Variants in AGFG2 observed in about 807,000 individuals in gnomAD.
AGFG2 encodes the protein ArfGAP with FG repeats 2.
Under a neutral mutation model 48.0 loss-of-function variants are expected in AGFG2, and 31 were observed. That is an observed-to-expected ratio of 0.65 (90% CI 0.49 to 0.87). The LOEUF (loss-of-function observed/expected upper bound fraction) is 0.87, where lower values mean the gene tolerates loss of function less well. Among genes scored for constraint, AGFG2 ranks in the 40% least tolerant of loss-of-function variants. The probability of loss-of-function intolerance (pLI) is 0.00; values close to 1 mark genes in which losing one functional copy is unlikely to be tolerated. For synonymous variants in AGFG2, 229 were observed against 260.8 expected (o/e 0.88, Z 1.18); for missense variants, 599 against 632.6 (o/e 0.95, Z 0.57).
At position 100,539,268 on chromosome 7, in the gene AGFG2, G is replaced by A. The variant is rs1228328192; in HGVS notation, c.-79G>A. On this transcript the variant is annotated 5_prime_UTR_variant, in exon 1 of 12. Transcript: ENST00000300176. ...AGCTTCTGTCAGGGGAGCCGGGCGT[G>A]CGGAGGCGGCTGAGGAGGCGGGAAG... 1.9e-5 allele frequency: 24 copies of A among 1,253,008 alleles called. No individual in the cohort carries two copies. Among genetic ancestry groups the A allele is most frequent in the Non-Finnish European group, 2.3e-5 (23 of 991,294 alleles). 77.6% of individuals were successfully genotyped at this position (1,253,008 alleles called of 1,614,324 possible).
chr7:100,546,756 CTAAAAGCAGGCTGGCTAGAAT>C (rs1800518572), intron 1 of AGFG2, among the ~76,000 whole-genome samples: 1 of 152,144 alleles, frequency 6.6e-6, no homozygotes, highest in Non-Finnish European at 1.5e-5. Flanking sequence ...GTGAGAAAGT[CTAAAAGCAGGCTGGCTAGAAT>C]TAAAAGCAAA....
At chr7:100,549,304 G>T (rs1800576829) in intron 2 of AGFG2, among the ~76,000 whole-genome samples, 1 of 152,160 alleles carries the variant, frequency 6.6e-6, no homozygotes, top group Admixed American at 6.5e-5. Flanking sequence ...ATCTTGTACT[G>T]GAAAGTGACT....
chr7:100,539,383 G>A lies in AGFG2; in HGVS notation c.37G>A (p.Gly13Ser). Residue 13 changes from glycine (G) to serine (S), a missense_variant, in exon 1 of 12, where the codon GGC becomes AGC. Transcript: ENST00000300176. The stretch of plus-strand genomic sequence containing the variant: ...GGCGAAGAAGGGCCCGGGCCCGGGC[G>A]GCGGGGTCAGCGGGGGCAAGGCGGA... ...MAAKKGPGPGGGVSGGKAEAE... is the reference protein window; with the variant it reads ...MAAKKGPGPGSGVSGGKAEAE... The A allele has an allele frequency of 6.2e-6, 8 of 1,290,310 alleles. No homozygotes were observed. Among genetic ancestry groups the A allele is most frequent in the Non-Finnish European group, 7.9e-6 (8 of 1,015,330 alleles). The allele number at this position is 1,290,310 out of a possible 1,614,324, so 79.9% of individuals were successfully genotyped here. A position where few individuals can be genotyped will look rare whatever the true frequency, so the allele number is the denominator to read the frequency against.
chr7:100,539,480 G>A lies in AGFG2; in HGVS notation c.134G>A (p.Arg45His), dbSNP rs866159410. Residue 45 changes from arginine (R) to histidine (H), a missense_variant, in exon 1 of 12, where the codon CGC (arginine) becomes CAC (histidine). Transcript: ENST00000300176. Reference protein sequence around the residue: ...ELGGCSQAGNRHCFECAQRGV... With the variant: ...ELGGCSQAGNHHCFECAQRGV... ...GGTGGCTGCAGCCAGGCCGGGAACC[G>A]CCACTGCTTCGAGTGCGCCCAGCGC... 3.0e-6 allele frequency: 4 copies of A among 1,317,214 alleles called. No homozygotes were observed. The highest frequency in any genetic ancestry group is 2.9e-6 in the Non-Finnish European group (3 of 1,027,752). 81.6% of individuals were successfully genotyped at this position (1,317,214 alleles called of 1,614,324 possible).
chr7:100,560,720 C>T (rs1338842680), intron 6 of AGFG2, among the ~76,000 whole-genome samples: 1 of 151,650 alleles, frequency 6.6e-6, no homozygotes, highest in Admixed American at 6.6e-5. Context: ...CTGGGCACTT[C>T]GTCTTCCCTA....
chr7:100,539,301 T>G lies in AGFG2; in HGVS notation c.-46T>G. On this transcript the variant is annotated 5_prime_UTR_variant, in exon 1 of 12. Coordinates refer to ENST00000300176, the MANE Select transcript of AGFG2 (RefSeq NM_006076.5). ...GGCTGAGGAGGCGGGAAGGCGGCAG[T>G]GGTTGAAGGGGTGATTGCTGACTAG... is the stretch of plus-strand genomic sequence containing the variant. 10 of 1,243,564 alleles carry G rather than the reference T, an allele frequency of 8.0e-6. No individual in the cohort carries two copies. The highest frequency in any genetic ancestry group is 1.0e-5 in the Non-Finnish European group (10 of 984,396). The allele number at this position is 1,243,564 out of a possible 1,614,324, so 77.0% of individuals were successfully genotyped here.
Position 100,564,203 on chromosome 7 carries a change from G to T in AGFG2, c.1301-15G>T. The T allele has an allele frequency of 6.2e-7, 1 of 1,604,666 alleles. No individual in the cohort carries two copies. Among genetic ancestry groups the T allele is most frequent in the African/African-American group, 1.3e-5 (1 of 74,914 alleles). The stretch of plus-strand genomic sequence containing the variant: ...GCAGGCTGGTGTCAGCTGAGTGACT[G>T]CTCTCGCCCCCTAGGCTCTTCCTTC... On this transcript the variant is annotated splice_polypyrimidine_tract_variant and intron_variant, in intron 10 of 11. Coordinates refer to ENST00000300176, the MANE Select transcript of AGFG2 (RefSeq NM_006076.5).
rs1473040183 is a variant in AGFG2, at chr7:100,539,331, G to A, written c.-16G>A. On this transcript the variant is annotated 5_prime_UTR_variant, in exon 1 of 12. Transcript: ENST00000300176. ...GAAGGGGTGATTGCTGACTAGCGGG[G>A]AGGGAGTGGGCAGCGATGGTGATGG... 7 of 1,274,274 alleles carry A rather than the reference G, an allele frequency of 5.5e-6. No homozygotes were observed. The highest frequency in any genetic ancestry group is 4.2e-5 in the Admixed American group (1 of 23,918). 78.9% of individuals were successfully genotyped at this position (1,274,274 alleles called of 1,614,324 possible). A position where few individuals can be genotyped will look rare whatever the true frequency, so the allele number is the denominator to read the frequency against.
chr7:100,555,836 A>AAAGCAGCAAAGCACAAAGAG (rs1475952444), intron 6 of AGFG2, 101 bp downstream of exon 6: 3 of 1,475,280 alleles, frequency 2.0e-6, no homozygotes, highest in Non-Finnish European at 2.7e-6. Flanking sequence ...AGAACTGCTC[A>AAAGCAGCAAAGCACAAAGAG]AAGCAGCAAA....
chr7:100,564,045 G>A, intron 10 of AGFG2, 83 bp downstream of exon 10: 11 of 1,578,272 alleles, frequency 7.0e-6, no homozygotes, highest in Non-Finnish European at 9.5e-6. Context: ...GACCTCATCA[G>A]AGCCCATGCA....
At chr7:100,543,102 C>T (rs192755259) in intron 1 of AGFG2, among the ~76,000 whole-genome samples, 8 of 151,922 alleles carry the variant, frequency 5.3e-5, no homozygotes, top group Non-Finnish European at 8.8e-5. Flanking sequence ...CTCGCTCTGT[C>T]GCCCAGGCTG....
At chr7:100,541,099 G>C (rs1410485872) in intron 1 of AGFG2, among the ~76,000 whole-genome samples, 4 of 151,970 alleles carry the variant, frequency 2.6e-5, no homozygotes, top group Non-Finnish European at 2.9e-5. Flanking sequence ...AGACAGATGG[G>C]AGAACAGAAG....
chr7:100,558,539 G>GTTTTTTTTTTTTTT (rs1188746006), intron 6 of AGFG2, among the ~76,000 whole-genome samples: 1 of 146,286 alleles, frequency 6.8e-6, no homozygotes, highest in African/African-American at 2.5e-5. Context: ...TTTTGTTTTT[G>GTTTTTTTTTTTTTT]TTTTTGTTTT....
chr7:100,540,809 C>T (rs1364681098), intron 1 of AGFG2, among the ~76,000 whole-genome samples: 1 of 151,826 alleles, frequency 6.6e-6, no homozygotes, highest in African/African-American at 2.4e-5. Context: ...GTCAAGAGAT[C>T]GAGACCATCC....
intron 1 of AGFG2, 33 bp downstream of exon 1, chr7:100,539,600 C>G: frequency 2.1e-5 from 3 of 142,132 alleles, no homozygotes; most frequent in Non-Finnish European, 3.6e-5. Context: ...CCGAGGTCGG[C>G]GTGGGGGGAC....
At chr7:100,541,430 G>C (rs1451912522) in intron 1 of AGFG2, among the ~76,000 whole-genome samples, 1 of 152,070 alleles carries the variant, frequency 6.6e-6, no homozygotes, top group African/African-American at 2.4e-5. Context: ...AGAGGATAGA[G>C]ACTCGAGAGT....
chr7:100,554,219 C>T lies in AGFG2; in HGVS notation c.712C>T (p.Gln238Ter). ...CGGTGGAGACCCCTTTGCTGCACCC[C>T]AGATGGCACCAGCTTTTGCTGCATT... ...DIGGDPFAAP[Q>*]MAPAFAAFPA... The change falls in exon 5 of 12, where the codon CAG becomes TAG. Residue 238 changes from glutamine to a stop codon, truncating the protein, a stop_gained. Transcript: ENST00000300176. LOFTEE classifies it high-confidence loss of function. 1.2e-6 allele frequency: 2 copies of T among 1,613,942 alleles called. No individual in the cohort carries two copies. Among genetic ancestry groups the T allele is most frequent in the Non-Finnish European group, 1.7e-6 (2 of 1,179,916 alleles).
rs1434976379 is a variant in AGFG2 at position 100,556,592 on chromosome 7, A to AG, written c.877+858dup. On this transcript the variant is annotated intron_variant, in intron 6 of 11. Coordinates refer to ENST00000300176, the MANE Select transcript of AGFG2 (RefSeq NM_006076.5). The stretch of plus-strand genomic sequence containing the variant: ...CCTTCTCTTCTCCACCCTCACTGCC[A>AG]GCCAGTCGGATGCTAACTGAAAGTT... 6 of 1,289,390 alleles carry AG rather than the reference A, an allele frequency of 4.7e-6. No homozygotes were observed. The South Asian group carries it at 4.9e-5, about 11-fold the overall frequency. 79.9% of individuals were successfully genotyped at this position (1,289,390 alleles called of 1,614,324 possible).
At chr7:100,555,783 T>TG (rs750637134) in intron 6 of AGFG2, 48 bp downstream of exon 6, 1 of 1,606,922 alleles carries the variant, frequency 6.2e-7, no homozygotes, top group South Asian at 1.1e-5. Context: ...CGTGTCCATT[T>TG]GTTCATGTCT....
Sources: allele counts gnomAD v4.1 joint callset (sites outside exome capture counted in the v4.1 genomes callset), GRCh38; gene constraint gnomAD v4.1.1; transcripts MANE v1.5; gene names NCBI Gene and HGNC (gene_info 2026-07-23, HGNC 2026-07-21).